Variants in SLIT2 observed in about 807,000 individuals in gnomAD.
The protein encoded by SLIT2 is slit homolog 2 protein.
A neutral mutation model predicts 185.7 loss-of-function variants in SLIT2; 41 were observed. That is an observed-to-expected ratio of 0.22 (90% CI 0.17 to 0.29). SLIT2 has a LOEUF of 0.29. SLIT2 is among the 10% of genes least tolerant of loss of function. The probability of loss-of-function intolerance (pLI) is 1.00; values close to 1 mark genes in which losing one functional copy is unlikely to be tolerated. For synonymous variants in SLIT2, 693 were observed against 680.2 expected, an observed-to-expected ratio of 1.02 and a Z score of -0.29; for missense variants, 1,571 against 1,909.0, an observed-to-expected ratio of 0.82 and a Z score of 3.30.
At chr4:20,467,301 C>A (rs960092763) in intron 4 of SLIT2, among the ~76,000 whole-genome samples, 1 of 152,042 alleles carries the variant, frequency 6.6e-6, no homozygotes, top group South Asian at 2.1e-4. Flanking sequence ...CAGGTTTTAT[C>A]AGTTTTTACC....
At chr4:20,550,683 A>C in intron 24 of SLIT2, 144 bp from the exon 25 acceptor site, 1 of 455,556 alleles carries the variant, frequency 2.2e-6, no homozygotes, top group Non-Finnish European at 3.9e-6. Context: ...TCAGGTATCC[A>C]GTTGTACCAA....
chr4:20,332,732 T>A (rs1329810650), intron 4 of SLIT2, among the ~76,000 whole-genome samples: 1 of 152,126 alleles, frequency 6.6e-6, no homozygotes, highest in African/African-American at 2.4e-5. Context: ...GCTATTTTAT[T>A]TGAATAAATT....
chr4:20,467,874 A>C, intron 5 of SLIT2, 51 bp downstream of exon 5: 1 of 933,160 alleles, frequency 1.1e-6, no homozygotes, highest in Non-Finnish European at 1.6e-6. Flanking sequence ...ATCTATTTTC[A>C]AAGTCAAGTT....
intron 4 of SLIT2, among the ~76,000 whole-genome samples, chr4:20,372,979 C>T (rs964981052): frequency 2.0e-5 from 3 of 152,044 alleles, no homozygotes; most frequent in Non-Finnish European, 4.4e-5. Context: ...CATTTACGAA[C>T]ATATTATTTT....
chr4:20,298,846 G>T (rs1716762532), intron 4 of SLIT2, among the ~76,000 whole-genome samples: 1 of 152,082 alleles, frequency 6.6e-6, no homozygotes, highest in African/African-American at 2.4e-5. Context: ...TTTCACAGTA[G>T]CTCTCATAGT....
chr4:20,537,258 A>G (rs1722382022), intron 18 of SLIT2, among the ~76,000 whole-genome samples: 1 of 152,212 alleles, frequency 6.6e-6, no homozygotes, highest in Non-Finnish European at 1.5e-5. Context: ...TTACACCAGT[A>G]TCACCACAAA....
intron 4 of SLIT2, among the ~76,000 whole-genome samples, chr4:20,418,594 A>C (rs1354492182): frequency 6.6e-6 from 1 of 152,222 alleles, no homozygotes; most frequent in East Asian, 1.9e-4. Flanking sequence ...CTTGAGGATG[A>C]TTTTATTAAC....
chr4:20,593,960 G>GTA lies in SLIT2; in HGVS notation c.3183-1736_3183-1735insAT, dbSNP rs200728752. ...ACACTGCTACATACACAATACATAT[G>GTA]TGTGTATGTATATGTATATACACAT... On this transcript the variant is annotated intron_variant, in intron 30 of 36. Transcript: ENST00000504154. Among the ~76,000 whole-genome samples, 1,141 of 148,810 alleles carry GTA rather than the reference G, an allele frequency of 7.7e-3. 14 individuals are homozygous for GTA. Among genetic ancestry groups the GTA allele is most frequent in the Middle Eastern group, 0.019 (5 of 266 alleles).
intron 4 of SLIT2, among the ~76,000 whole-genome samples, chr4:20,316,437 A>G (rs1718587550): frequency 6.6e-6 from 1 of 152,016 alleles, no homozygotes; most frequent in African/African-American, 2.4e-5. Flanking sequence ...CAATTTAGAT[A>G]TGCTACACTA....
intron 25 of SLIT2, chr4:20,552,543 A>C (rs1455618863): frequency 6.6e-6 from 1 of 152,084 alleles, no homozygotes; most frequent in Non-Finnish European, 1.5e-5. Context: ...CACATCAAGG[A>C]CTTAAATGTT....
intron 4 of SLIT2, among the ~76,000 whole-genome samples, chr4:20,463,489 ATATG>A (rs1357443061): frequency 6.0e-5 from 6 of 100,014 alleles, no homozygotes; most frequent in Non-Finnish European, 1.2e-4. Flanking sequence ...ATATATATAT[ATATG>A]TGTGTGTGCG....
At chr4:20,424,227 A>G (rs764801207) in intron 4 of SLIT2, among the ~76,000 whole-genome samples, 3 of 152,120 alleles carry the variant, frequency 2.0e-5, no homozygotes, top group Non-Finnish European at 2.9e-5. Context: ...CTGCTTATCA[A>G]TTTCAAAGCA....
intron 19 of SLIT2, among the ~76,000 whole-genome samples, chr4:20,539,823 T>G (rs1238279418): frequency 6.6e-6 from 1 of 152,216 alleles, no homozygotes; most frequent in Non-Finnish European, 1.5e-5. Flanking sequence ...CATAGTGATA[T>G]GATCAATAAT....
At chr4:20,427,227 G>A (rs1728625139) in intron 4 of SLIT2, among the ~76,000 whole-genome samples, 1 of 152,140 alleles carries the variant, frequency 6.6e-6, no homozygotes, top group African/African-American at 2.4e-5. Context: ...TAACATCACA[G>A]GTTCTGTGAA....
rs957847579 is a variant in SLIT2 at position 20,292,818 on chromosome 4, C to T, written c.395+23937C>T. 4.0e-5 allele frequency among the ~76,000 whole-genome samples: 6 copies of T among 151,890 alleles called. No homozygotes were observed. The South Asian group carries it at 6.3e-4, about 16-fold the overall frequency. ...TATTTTTTGGTCTACTTGAAGCTGC[C>T]GTATTTATTATATGATTGAGTAATG... is the stretch of plus-strand genomic sequence containing the variant. On this transcript the variant is annotated intron_variant, in intron 4 of 36. Transcript: ENST00000504154.
chr4:20,290,085 AC>A (rs1715651524), intron 4 of SLIT2, among the ~76,000 whole-genome samples: 1 of 152,096 alleles, frequency 6.6e-6, no homozygotes, highest in African/African-American at 2.4e-5. Flanking sequence ...TTGCCTCCCT[AC>A]ACCTGGCCAT....
intron 4 of SLIT2, among the ~76,000 whole-genome samples, chr4:20,334,933 A>G (rs1412023876): frequency 3.3e-5 from 5 of 152,206 alleles, no homozygotes. Flanking sequence ...ATGTATAGTA[A>G]TTAATAAATA....
intron 4 of SLIT2, among the ~76,000 whole-genome samples, chr4:20,386,805 C>G (rs918732937): frequency 4.6e-5 from 7 of 152,306 alleles, no homozygotes; most frequent in African/African-American, 1.7e-4. Context: ...GATGACCTCT[C>G]TTGTATGCAG....
chr4:20,563,406 A>C (rs1351806749), intron 26 of SLIT2, among the ~76,000 whole-genome samples: 4 of 151,842 alleles, frequency 2.6e-5, no homozygotes, highest in African/African-American at 9.7e-5. Context: ...AAAAGCTTAA[A>C]GATTGCAGTT....
Sources: gnomAD v4.1 joint callset for allele counts (sites outside exome capture counted in the v4.1 genomes callset) on GRCh38, gnomAD v4.1.1 for gene constraint, MANE v1.5 for transcripts, NCBI Gene and HGNC (gene_info 2026-07-23, HGNC 2026-07-21) for gene names.